Variants in UNC13C observed in about 807,000 individuals in gnomAD.
The protein encoded by UNC13C is unc-13 homolog C.
UNC13C carries 174 observed loss-of-function variants against 245.4 expected under a neutral mutation model. The observed-to-expected ratio is 0.71, with a 90% confidence interval of 0.63 to 0.80. The LOEUF is 0.80. Among genes scored for constraint, UNC13C ranks in the 30% least tolerant of loss-of-function variants. The pLI is 0.00. For synonymous variants in UNC13C, 992 were observed against 895.1 expected (o/e 1.11, Z -1.93); for missense variants, 2,829 against 2,602.9 (o/e 1.09, Z -1.89).
chr15:54,249,601 T>A (rs536414858), intron 7 of UNC13C, among the ~76,000 whole-genome samples: 1 of 151,968 alleles, frequency 6.6e-6, no homozygotes, highest in Non-Finnish European at 1.5e-5. Context: ...GTTCAATAGA[T>A]TTTTTTTCAC....
chr15:54,008,223 G>A (rs866398701), intron 1 of UNC13C, among the ~76,000 whole-genome samples: 4 of 152,052 alleles, frequency 2.6e-5, no homozygotes, highest in Non-Finnish European at 4.4e-5. Flanking sequence ...ATTAGTTTCC[G>A]AGTTTACACA....
At chr15:53,859,561 T>A in the UNC13C span, among the ~76,000 whole-genome samples, 1 of 152,262 alleles carries the variant, frequency 6.6e-6, no homozygotes, top group East Asian at 1.9e-4. Flanking sequence ...AAGAAAAAGA[T>A]AAAAGGAAGG....
intron 26 of UNC13C, among the ~76,000 whole-genome samples, chr15:54,542,452 G>A (rs1397710849): frequency 6.6e-6 from 1 of 152,102 alleles, no homozygotes; most frequent in Non-Finnish European, 1.5e-5. Context: ...GTGCAATGTG[G>A]TGCTGAGAAG....
At chr15:54,158,014 T>G (rs1301283949) in intron 4 of UNC13C, among the ~76,000 whole-genome samples, 1 of 152,186 alleles carries the variant, frequency 6.6e-6, no homozygotes, top group Non-Finnish European at 1.5e-5. Flanking sequence ...CTACTTGGCA[T>G]ATATCTTTAG....
At chr15:53,998,865 T>C (rs1016995299) in intron 1 of UNC13C, among the ~76,000 whole-genome samples, 1 of 152,132 alleles carries the variant, frequency 6.6e-6, no homozygotes, top group Non-Finnish European at 1.5e-5. Flanking sequence ...TAAGTGATTA[T>C]ATGCTATTTT....
At chr15:54,495,791 A>G (rs955965483) in intron 20 of UNC13C, among the ~76,000 whole-genome samples, 1 of 152,154 alleles carries the variant, frequency 6.6e-6, no homozygotes, top group African/African-American at 2.4e-5. Flanking sequence ...AATGGGGGGC[A>G]GAGAAGAGAT....
the UNC13C span, among the ~76,000 whole-genome samples, chr15:53,955,553 G>A: frequency 6.6e-6 from 1 of 152,300 alleles, no homozygotes; most frequent in African/African-American, 2.4e-5. Context: ...GAAAGTGACA[G>A]GGCTGTTGAA....
chr15:54,611,137 G>A (rs1900071284), intron 30 of UNC13C, among the ~76,000 whole-genome samples: 1 of 152,254 alleles, frequency 6.6e-6, no homozygotes, highest in Non-Finnish European at 1.5e-5. Context: ...CAGAGTGATT[G>A]GGGAAGCTAT....
At chr15:54,096,694 C>T (rs1319155629) in intron 2 of UNC13C, among the ~76,000 whole-genome samples, 1 of 152,106 alleles carries the variant, frequency 6.6e-6, no homozygotes, top group Non-Finnish European at 1.5e-5. Context: ...GGTCTGGCTC[C>T]GACCTTTCTC....
intron 29 of UNC13C, among the ~76,000 whole-genome samples, chr15:54,561,559 G>A (rs1433235374): frequency 6.6e-6 from 1 of 151,966 alleles, no homozygotes; most frequent in African/African-American, 2.4e-5. Flanking sequence ...AGGCTTGGAG[G>A]CAGTGAGTAG....
At chr15:54,118,077 A>G (rs1483015862) in intron 2 of UNC13C, among the ~76,000 whole-genome samples, 1 of 152,070 alleles carries the variant, frequency 6.6e-6, no homozygotes, top group Non-Finnish European at 1.5e-5. Context: ...AAGTTCAGAT[A>G]ATGTGATGCT....
intron 2 of UNC13C, among the ~76,000 whole-genome samples, chr15:54,047,612 ATTG>A (rs1897095152): frequency 6.6e-6 from 1 of 152,134 alleles, no homozygotes; most frequent in African/African-American, 2.4e-5. Context: ...ATAATATTCC[ATTG>A]TATGTATTGT....
At chr15:54,195,120 A>G (rs149368357) in intron 4 of UNC13C, among the ~76,000 whole-genome samples, 3 of 101,240 alleles carry the variant, frequency 3.0e-5, no homozygotes, top group African/African-American at 9.4e-5. Flanking sequence ...TGCACATACA[A>G]AAATGGAATT....
At chr15:53,870,654 C>T in the UNC13C span, among the ~76,000 whole-genome samples, 11 of 152,166 alleles carry the variant, frequency 7.2e-5, no homozygotes, top group Non-Finnish European at 1.5e-4. Context: ...CTCATAAAAA[C>T]ACCTGACATA....
rs58821833 is a variant in UNC13C at position 54,095,158 on chromosome 15, G to A, written c.2984-47860G>A. Among the ~76,000 whole-genome samples, 1,377 of 152,254 alleles carry A rather than the reference G, an allele frequency of 9.0e-3. 18 individuals are homozygous for A. Among genetic ancestry groups the A allele is most frequent in the African/African-American group, 0.032 (1,326 of 41,546 alleles). On this transcript the variant is annotated intron_variant, in intron 2 of 32. Coordinates refer to ENST00000260323, the MANE Select transcript of UNC13C (RefSeq NM_001080534.3). ...TCACTACAGAACACCATCCACCCCA[G>A]CAGGCAGACAGTTACAGTCTCTTTT...
At chr15:54,310,451 C>T (rs1263914255) in intron 13 of UNC13C, among the ~76,000 whole-genome samples, 2 of 151,772 alleles carry the variant, frequency 1.3e-5, no homozygotes, top group African/African-American at 4.8e-5. Flanking sequence ...TTTTTCCTAA[C>T]CCCTGGCTGC....
chr15:54,470,758 G>T (rs1267474861), intron 19 of UNC13C, among the ~76,000 whole-genome samples: 1 of 150,650 alleles, frequency 6.6e-6, no homozygotes, highest in African/African-American at 2.4e-5. Flanking sequence ...TTTATGCTTT[G>T]ATCTTTGTTG....
At chr15:54,240,880 G>T (rs2035833616) in intron 7 of UNC13C, among the ~76,000 whole-genome samples, 1 of 152,250 alleles carries the variant, frequency 6.6e-6, no homozygotes, top group Middle Eastern at 3.4e-3. Flanking sequence ...TGACAGTGGG[G>T]CAATCAAAGT....
At chr15:54,208,817 G>A (rs1567099189) in intron 4 of UNC13C, among the ~76,000 whole-genome samples, 1 of 151,914 alleles carries the variant, frequency 6.6e-6, no homozygotes, top group African/African-American at 2.4e-5. Flanking sequence ...GTACTTTTGA[G>A]GTAAAATAAC....
Sources: gnomAD v4.1 joint callset for allele counts (sites outside exome capture counted in the v4.1 genomes callset) on GRCh38, gnomAD v4.1.1 for gene constraint, MANE v1.5 for transcripts, NCBI Gene and HGNC (gene_info 2026-07-23, HGNC 2026-07-21) for gene names.